Variants in NDUFA5 observed in about 807,000 individuals in gnomAD.
NDUFA5 encodes the protein NADH:ubiquinone oxidoreductase subunit A5, also known as NADH dehydrogenase [ubiquinone] 1 alpha subcomplex subunit 5.
A neutral mutation model predicts 19.8 loss-of-function variants in NDUFA5; 11 were observed. That is an observed-to-expected ratio of 0.56 (90% CI 0.35 to 0.92). The LOEUF is 0.92. Among genes scored for constraint, NDUFA5 ranks in the 40% least tolerant of loss-of-function variants. The pLI, the probability that NDUFA5 is intolerant of heterozygous loss-of-function variation, is 0.01. For synonymous variants in NDUFA5, 47 were observed against 46.8 expected, an observed-to-expected ratio of 1.00 and a Z score of -0.01; for missense variants, 109 against 134.2, an observed-to-expected ratio of 0.81 and a Z score of 0.93.
chr7:123,548,849 T>C (rs564571194), intron 3 of NDUFA5, among the ~76,000 whole-genome samples: 1 of 152,290 alleles, frequency 6.6e-6, no homozygotes, highest in East Asian at 1.9e-4. Context: ...AGTAAGATTT[T>C]AAGCAAGACA....
rs768349219 is a variant in NDUFA5, at chr7:123,550,530, A to G, written c.123T>C (p.Asn41=). Residue 41 remains asparagine (N), a synonymous_variant, in exon 3 of 5, where the codon AAT becomes AAC. Transcript: ENST00000355749. The part of the protein sequence containing the change: ...ILDVLEEIPK[N]AAYRKYTEQI... ...GTTCTGTATACTTTCTATATGCTGC[A>G]TTTTTAGGGATTTCCTCAAGAACAT... 2.5e-6 allele frequency: 4 copies of G among 1,611,510 alleles called. No individual in the cohort carries two copies. The highest frequency in any genetic ancestry group is 2.2e-5 in the South Asian group (2 of 90,816).
the NDUFA5 span, among the ~76,000 whole-genome samples, chr7:123,595,422 G>A: frequency 3.3e-5 from 5 of 151,972 alleles, no homozygotes; most frequent in African/African-American, 4.8e-5. Context: ...TTTCTGTGTC[G>A]GGTTATTCTT....
At chr7:123,562,823 G>A (rs1421926892), upstream of NDUFA5, among the ~76,000 whole-genome samples, 3 of 135,620 alleles carry the variant, frequency 2.2e-5, no homozygotes, top group African/African-American at 8.3e-5. Flanking sequence ...TTGAGTCAGA[G>A]TTTTCTCTCT....
chr7:123,568,283 C>T, the NDUFA5 span, among the ~76,000 whole-genome samples: 28 of 151,884 alleles, frequency 1.8e-4, no homozygotes, highest in Non-Finnish European at 3.5e-4. Flanking sequence ...GAGGCTGAGG[C>T]GGGCAGATCG....
the NDUFA5 span, among the ~76,000 whole-genome samples, chr7:123,585,333 C>T: frequency 3.3e-5 from 5 of 151,648 alleles, no homozygotes; most frequent in South Asian, 1.0e-3. Context: ...GCAGAAGAGA[C>T]AACTTCCTCC....
At chr7:123,552,166 C>T (rs1798366198) in intron 2 of NDUFA5, among the ~76,000 whole-genome samples, 1 of 148,280 alleles carries the variant, frequency 6.7e-6, no homozygotes. Context: ...AAAGAGCAAC[C>T]TTTTTTTTCA....
At chr7:123,597,088 G>A in the NDUFA5 span, among the ~76,000 whole-genome samples, 3 of 152,166 alleles carry the variant, frequency 2.0e-5, no homozygotes, top group African/African-American at 7.2e-5. Flanking sequence ...TGTTACCCTA[G>A]TCAAAAAATA....
chr7:123,569,412 G>A, the NDUFA5 span, among the ~76,000 whole-genome samples: 1 of 152,170 alleles, frequency 6.6e-6, no homozygotes, highest in Non-Finnish European at 1.5e-5. Flanking sequence ...CAAAAAAAAG[G>A]CCAACATAAT....
chr7:123,572,572 G>T, the NDUFA5 span, among the ~76,000 whole-genome samples: 3 of 151,492 alleles, frequency 2.0e-5, no homozygotes, highest in Non-Finnish European at 2.9e-5. Context: ...CTTGGTGGTT[G>T]TTCCTTATAT....
At chr7:123,580,562 T>C in the NDUFA5 span, among the ~76,000 whole-genome samples, 1 of 152,050 alleles carries the variant, frequency 6.6e-6, no homozygotes, top group South Asian at 2.1e-4. Context: ...GCCATGAGGT[T>C]AAATGAGATA....
the NDUFA5 span, chr7:123,596,433 C>T: frequency 6.6e-6 from 1 of 151,936 alleles, no homozygotes; most frequent in African/African-American, 2.4e-5. Context: ...AGGTCAAACC[C>T]CATCTCTACA....
At chr7:123,557,536 C>T (rs1316539462) in intron 1 of NDUFA5, 88 bp from the exon 2 acceptor site, 13 of 1,610,904 alleles carry the variant, frequency 8.1e-6, no homozygotes, top group African/African-American at 1.3e-5. Flanking sequence ...ACGAATCCCC[C>T]GGCTAAAACT....
chr7:123,583,477 G>A, the NDUFA5 span, among the ~76,000 whole-genome samples: 1 of 151,868 alleles, frequency 6.6e-6, no homozygotes, highest in African/African-American at 2.4e-5. Flanking sequence ...AGTGTTTGAT[G>A]ATTCTCTAAG....
the NDUFA5 span, among the ~76,000 whole-genome samples, chr7:123,564,679 G>C: frequency 1.3e-5 from 2 of 151,670 alleles, no homozygotes. Context: ...AAGTTACAAT[G>C]TTTTGACTTA....
the NDUFA5 span, among the ~76,000 whole-genome samples, chr7:123,597,358 A>G: frequency 3.3e-5 from 5 of 152,196 alleles, no homozygotes; most frequent in African/African-American, 1.2e-4. Flanking sequence ...CTGCAAGAAT[A>G]TTGATGCTAG....
the NDUFA5 span, among the ~76,000 whole-genome samples, chr7:123,578,155 T>C: frequency 2.0e-5 from 3 of 149,406 alleles, no homozygotes; most frequent in Non-Finnish European, 4.4e-5. Context: ...AATAGTAAAA[T>C]AAATTTCAAA....
At chr7:123,583,294 G>C in the NDUFA5 span, among the ~76,000 whole-genome samples, 1,222 of 152,024 alleles carry the variant, frequency 8.0e-3, 15 homozygotes, top group African/African-American at 0.027. Context: ...CAGGAAATCA[G>C]AGCTATTTTT....
At chr7:123,595,440 G>A in the NDUFA5 span, among the ~76,000 whole-genome samples, 1 of 152,276 alleles carries the variant, frequency 6.6e-6, no homozygotes, top group African/African-American at 2.4e-5. Flanking sequence ...CTTTGTGAAA[G>A]TTCTCAGCAC....
At chr7:123,596,825 T>C in the NDUFA5 span, among the ~76,000 whole-genome samples, 1 of 152,298 alleles carries the variant, frequency 6.6e-6, no homozygotes, top group Admixed American at 6.5e-5. Flanking sequence ...CATGAAAAGA[T>C]CAATTATTTT....
Sources: allele counts gnomAD v4.1 joint callset (sites outside exome capture counted in the v4.1 genomes callset), GRCh38; gene constraint gnomAD v4.1.1; transcripts MANE v1.5; gene names NCBI Gene and HGNC (gene_info 2026-07-23, HGNC 2026-07-21).